TNNI3K: variants seen among roughly 807,000 people sequenced by gnomAD.
TNNI3K encodes TNNI3 interacting kinase, also known as serine/threonine-protein kinase TNNI3K.
Under a neutral mutation model 114.5 loss-of-function variants are expected in TNNI3K, and 140 were observed. The observed-to-expected ratio is 1.22, with a 90% CI of 1.07 to 1.41. TNNI3K has a LOEUF of 1.41. TNNI3K is among the 40% of genes most tolerant of loss of function. TNNI3K has a pLI of 0.00. For synonymous variants in TNNI3K, 347 were observed against 347.5 expected (o/e 1.00, Z 0.02); for missense variants, 1,125 against 1,007.6 (o/e 1.12, Z -1.58).
At chr1:74,367,801 C>A (rs764984730) in intron 12 of TNNI3K, 107 bp from the exon 13 acceptor site, 2 of 1,036,070 alleles carry the variant, frequency 1.9e-6, no homozygotes, top group African/African-American at 1.7e-5. Flanking sequence ...GGGCCTGAAG[C>A]GATAGTTTTA....
intron 21 of TNNI3K, among the ~76,000 whole-genome samples, chr1:74,465,791 G>A (rs1667652270): frequency 6.6e-6 from 1 of 152,178 alleles, no homozygotes; most frequent in Non-Finnish European, 1.5e-5. Flanking sequence ...TCAGCACTCT[G>A]TGTCTAGCTC....
Position 74,353,263 on chromosome 1 carries a change from C to A in TNNI3K, c.933-3C>A. Reference sequence around the variant, plus strand: ...TTTCTTGTTTTATGGTTTTTTTTTTCAGTGCTTGTACCTATGGCAAGAGCA... The same window carrying A: ...TTTCTTGTTTTATGGTTTTTTTTTTAAGTGCTTGTACCTATGGCAAGAGCA... On this transcript the variant is annotated splice_polypyrimidine_tract_variant and splice_region_variant and intron_variant, in intron 9 of 24. Transcript: ENST00000326637. 6.3e-7 allele frequency: 1 copy of A among 1,594,796 alleles called. No individual in the cohort carries two copies. The highest frequency in any genetic ancestry group is 8.5e-7 in the Non-Finnish European group (1 of 1,173,686).
intron 2 of TNNI3K, among the ~76,000 whole-genome samples, chr1:74,243,840 T>G (rs748260567): frequency 2.6e-5 from 4 of 152,268 alleles, no homozygotes; most frequent in Non-Finnish European, 4.4e-5. Context: ...TGCCCCAGCA[T>G]GCACTATGAA....
chr1:74,359,880 T>C (rs989553261), intron 11 of TNNI3K, among the ~76,000 whole-genome samples: 1 of 151,908 alleles, frequency 6.6e-6, no homozygotes, highest in African/African-American at 2.4e-5. Context: ...TAACATTTTT[T>C]TTTGTCCTCA....
intron 23 of TNNI3K, among the ~76,000 whole-genome samples, chr1:74,498,045 T>C (rs1415444879): frequency 6.6e-6 from 1 of 152,190 alleles, no homozygotes; most frequent in African/African-American, 2.4e-5. Context: ...TATTACCATT[T>C]AGTGAGCTGG....
chr1:74,316,746 G>A (rs1659329656), intron 5 of TNNI3K, among the ~76,000 whole-genome samples: 1 of 151,460 alleles, frequency 6.6e-6, no homozygotes, highest in Admixed American at 6.6e-5. Context: ...CTGGAGTGCA[G>A]TGGCACGATC....
intron 17 of TNNI3K, among the ~76,000 whole-genome samples, chr1:74,394,396 A>T (rs959602179): frequency 4.6e-5 from 7 of 152,168 alleles, no homozygotes; most frequent in Admixed American, 1.3e-4. Flanking sequence ...TAATTTTTAT[A>T]TTTTATTTAC....
chr1:74,315,491 G>C (rs982650601), intron 5 of TNNI3K, among the ~76,000 whole-genome samples: 1 of 151,596 alleles, frequency 6.6e-6, no homozygotes, highest in Non-Finnish European at 1.5e-5. Context: ...ATGGAGACTT[G>C]GTTTGGTAAA....
At position 74,468,716 on chromosome 1, in the gene TNNI3K, A is replaced by G. The variant is rs918338677; in HGVS notation, c.2121+5166A>G. On this transcript the variant is annotated intron_variant, in intron 21 of 24. Coordinates refer to ENST00000326637, the MANE Select transcript of TNNI3K (RefSeq NM_015978.3). ...TATTATTATTCTACCAAATGCAGAT[A>G]TAAAGATGTATAGACCTAGACAGGT... 2.6e-5 allele frequency among the ~76,000 whole-genome samples: 4 copies of G among 152,160 alleles called. No homozygotes were observed. The South Asian group carries it at 6.2e-4, about 24-fold the overall frequency.
intron 17 of TNNI3K, among the ~76,000 whole-genome samples, chr1:74,407,797 C>A (rs959524862): frequency 6.6e-6 from 1 of 152,114 alleles, no homozygotes; most frequent in Non-Finnish European, 1.5e-5. Context: ...AGAAGATGGT[C>A]TAGATCTTCT....
chr1:74,260,156 G>A (rs1470893093), intron 4 of TNNI3K, among the ~76,000 whole-genome samples: 1 of 152,030 alleles, frequency 6.6e-6, no homozygotes, highest in African/African-American at 2.4e-5. Flanking sequence ...TCTCTTTTGG[G>A]TTTCAGTTAT....
At position 74,444,729 on chromosome 1, in the gene TNNI3K, C is replaced by T. The variant is rs534447460; in HGVS notation, c.2011+5107C>T. On this transcript the variant is annotated intron_variant, in intron 20 of 24. Coordinates refer to ENST00000326637, the MANE Select transcript of TNNI3K (RefSeq NM_015978.3). ...AAGAGCCCATATAGCCAAGACAATC[C>T]TAAGCAAAAAAAATAAAGCTGGAGG... is the stretch of plus-strand genomic sequence containing the variant. 2.0e-5 allele frequency among the ~76,000 whole-genome samples: 3 copies of T among 151,638 alleles called. No homozygotes were observed. The East Asian group carries it at 5.8e-4, about 29-fold the overall frequency.
At chr1:74,493,345 TA>T (rs1669169624) in intron 23 of TNNI3K, among the ~76,000 whole-genome samples, 1 of 152,180 alleles carries the variant, frequency 6.6e-6, no homozygotes, top group Non-Finnish European at 1.5e-5. Context: ...TTAAAATGGT[TA>T]TTTCTATGCT....
At chr1:74,460,812 A>G (rs1209651567) in intron 20 of TNNI3K, among the ~76,000 whole-genome samples, 2 of 152,268 alleles carry the variant, frequency 1.3e-5, no homozygotes, top group Non-Finnish European at 2.9e-5. Context: ...AGGAGATGCC[A>G]AGACTTTGCA....
Position 74,369,279 on chromosome 1 carries a change from G to GA in TNNI3K, c.1472+21dup, listed in dbSNP as rs758764296. On this transcript the variant is annotated intron_variant, in intron 15 of 24. Coordinates refer to ENST00000326637, the MANE Select transcript of TNNI3K (RefSeq NM_015978.3). Reference sequence around the variant, plus strand: ...GCTATAAAACGGTAAGCAAGCAAATGAAAAAATTTAACATCCAGGTGGAAT... The same window carrying GA: ...GCTATAAAACGGTAAGCAAGCAAATGAAAAAAATTTAACATCCAGGTGGAAT... 78 of 1,611,268 alleles carry GA rather than the reference G, an allele frequency of 4.8e-5. No individual in the cohort carries two copies. Among genetic ancestry groups the GA allele is most frequent in the Admixed American group, 1.7e-5 (1 of 59,572 alleles).
intron 5 of TNNI3K, among the ~76,000 whole-genome samples, chr1:74,320,381 T>C (rs1199319858): frequency 6.6e-6 from 1 of 152,218 alleles, no homozygotes; most frequent in African/African-American, 2.4e-5. Context: ...ACCAATTTCA[T>C]GGAATCACTT....
chr1:74,263,891 C>A (rs1030282853), intron 4 of TNNI3K, among the ~76,000 whole-genome samples: 2 of 151,838 alleles, frequency 1.3e-5, no homozygotes, highest in Admixed American at 1.3e-4. Flanking sequence ...TTAGAATATT[C>A]ATTATGCCTT....
chr1:74,375,750 C>A, intron 17 of TNNI3K: 1 of 362,216 alleles, frequency 2.8e-6, no homozygotes, highest in Non-Finnish European at 5.7e-6. Context: ...CCTTAAAACC[C>A]CCATCCTCAA....
intron 17 of TNNI3K, among the ~76,000 whole-genome samples, chr1:74,389,364 C>T (rs571593190): frequency 6.6e-6 from 1 of 152,236 alleles, no homozygotes; most frequent in Admixed American, 6.5e-5. Flanking sequence ...ATAAGATGCA[C>T]ATAAAGATGT....
Sources: gnomAD v4.1 joint callset for allele counts (sites outside exome capture counted in the v4.1 genomes callset) on GRCh38, gnomAD v4.1.1 for gene constraint, MANE v1.5 for transcripts, NCBI Gene and HGNC (gene_info 2026-07-23, HGNC 2026-07-21) for gene names.